The following MARCHF1 variants were observed in gnomAD, a reference collection of about 807,000 sequenced individuals.
The protein encoded by MARCHF1 is membrane associated ring-CH-type finger 1, also known as E3 ubiquitin-protein ligase MARCHF1.
Under a neutral mutation model 54.2 loss-of-function variants are expected in MARCHF1, and 40 were observed. That is an observed-to-expected ratio of 0.74 (90% CI 0.57 to 0.96). The LOEUF (loss-of-function observed/expected upper bound fraction) is 0.96. Among genes scored for constraint, MARCHF1 ranks in the 40% least tolerant of loss-of-function variants. The pLI is 0.00. For missense variants in MARCHF1, 586 were observed against 656.5 expected (o/e 0.89, Z 1.17); for synonymous variants, 236 against 236.3 (o/e 1.00, Z 0.01).
At chr4:163,731,195 A>G (rs1396140607) in intron 4 of MARCHF1, among the ~76,000 whole-genome samples, 1 of 152,226 alleles carries the variant, frequency 6.6e-6, no homozygotes, top group African/African-American at 2.4e-5. Context: ...AGTAGCTGGA[A>G]TCATTTTTAA....
At chr4:163,593,526 T>C (rs1740659938) in intron 7 of MARCHF1, among the ~76,000 whole-genome samples, 1 of 152,220 alleles carries the variant, frequency 6.6e-6, no homozygotes, top group Admixed American at 6.5e-5. Context: ...GCCTTTTTCA[T>C]TTCTGCATGT....
At chr4:164,252,442 GC>G (rs1263960336) in intron 1 of MARCHF1, among the ~76,000 whole-genome samples, 1 of 152,122 alleles carries the variant, frequency 6.6e-6, no homozygotes, top group African/African-American at 2.4e-5. Context: ...AAGGCAGGAA[GC>G]CCTGGAAGCT....
At chr4:164,307,747 TGTTACA>T (rs757860465) in intron 1 of MARCHF1, among the ~76,000 whole-genome samples, 15 of 152,212 alleles carry the variant, frequency 9.9e-5, no homozygotes, top group Non-Finnish European at 1.9e-4. Flanking sequence ...CTTAAATTCG[TGTTACA>T]GTTAGTTAGG....
chr4:163,534,377 C>T (rs139627823), intron 9 of MARCHF1, among the ~76,000 whole-genome samples: 135 of 152,158 alleles, frequency 8.9e-4, no homozygotes, highest in African/African-American at 3.2e-3. Context: ...TTCCCTACAT[C>T]GTAGTCCAGG....
chr4:164,060,880 G>T (rs1754601990), intron 2 of MARCHF1, among the ~76,000 whole-genome samples: 1 of 152,092 alleles, frequency 6.6e-6, no homozygotes, highest in Non-Finnish European at 1.5e-5. Context: ...ATTAAGATTT[G>T]CTGAATGTGT....
intron 5 of MARCHF1, among the ~76,000 whole-genome samples, chr4:163,644,154 T>C (rs1742665469): frequency 6.6e-6 from 1 of 152,176 alleles, no homozygotes; most frequent in Non-Finnish European, 1.5e-5. Context: ...AGGTAAAATA[T>C]TGTTTTCTCA....
rs150132369 is a variant in MARCHF1, at chr4:164,004,844, A to C, written c.-247-16135T>G. On this transcript the variant is annotated intron_variant, in intron 2 of 9. Coordinates refer to ENST00000514618, the MANE Select transcript of MARCHF1 (RefSeq NM_001394959.1). Reference sequence around the variant, plus strand: ...AAAATTAGTGAGATGTACTTAAATAAGTGCTCCAGAAGAAATTATGGCTCT... The same window carrying C: ...AAAATTAGTGAGATGTACTTAAATACGTGCTCCAGAAGAAATTATGGCTCT... Among the ~76,000 whole-genome samples the C allele has an allele frequency of 5.5e-4, 83 of 152,216 alleles. No homozygotes were observed. The East Asian group carries it at 0.011, about 20-fold the overall frequency.
At chr4:164,351,799 G>T (rs527328672) in intron 1 of MARCHF1, among the ~76,000 whole-genome samples, 1 of 152,034 alleles carries the variant, frequency 6.6e-6, no homozygotes, top group East Asian at 1.9e-4. Flanking sequence ...GGCTTCAGAC[G>T]ATCAAATTAC....
At chr4:163,892,413 G>A (rs1182387585) in intron 3 of MARCHF1, among the ~76,000 whole-genome samples, 1 of 151,896 alleles carries the variant, frequency 6.6e-6, no homozygotes, top group Non-Finnish European at 1.5e-5. Context: ...CCCACTGAAT[G>A]GCCCACCCTG....
Position 163,871,245 on chromosome 4 carries a change from C to T in MARCHF1, c.-38-17076G>A, listed in dbSNP as rs533314810. On this transcript the variant is annotated intron_variant, in intron 3 of 9. Coordinates refer to ENST00000514618, the MANE Select transcript of MARCHF1 (RefSeq NM_001394959.1). ...AGACAGAGAAGGTATTTTTCTTTTG[C>T]GTTATGATGTGACACTCATTCACAA... 1.3e-4 allele frequency among the ~76,000 whole-genome samples: 20 copies of T among 152,174 alleles called. 1 individual carries two copies. In the South Asian group the frequency reaches 2.5e-3, roughly 19 times the overall value.
chr4:163,727,679 T>C (rs1346268774), intron 4 of MARCHF1, among the ~76,000 whole-genome samples: 8 of 151,974 alleles, frequency 5.3e-5, no homozygotes, highest in Non-Finnish European at 1.2e-4. Context: ...GTGTTTTCTT[T>C]TTTTTTTCTT....
intron 4 of MARCHF1, among the ~76,000 whole-genome samples, chr4:163,830,152 C>A (rs1456998541): frequency 6.6e-6 from 1 of 151,834 alleles, no homozygotes; most frequent in Non-Finnish European, 1.5e-5. Flanking sequence ...TCTGCTTTAG[C>A]GTTTGAAGAA....
intron 3 of MARCHF1, among the ~76,000 whole-genome samples, chr4:163,946,564 A>G (rs1752030667): frequency 1.3e-5 from 2 of 152,192 alleles, no homozygotes; most frequent in Admixed American, 1.3e-4. Context: ...AGTTATTTTC[A>G]TCTCCCAATT....
At chr4:163,990,643 T>C (rs926648452) in intron 2 of MARCHF1, among the ~76,000 whole-genome samples, 4 of 152,162 alleles carry the variant, frequency 2.6e-5, no homozygotes, top group African/African-American at 9.7e-5. Flanking sequence ...AATTCTTAAA[T>C]TTTCTGTAGC....
intron 1 of MARCHF1, among the ~76,000 whole-genome samples, chr4:164,160,062 TG>T (rs1346356106): frequency 3.3e-5 from 5 of 151,940 alleles, no homozygotes; most frequent in Admixed American, 3.3e-4. Context: ...TTTTTATTAT[TG>T]TTAGATGTTA....
chr4:164,179,225 C>T (rs903161420), intron 1 of MARCHF1, among the ~76,000 whole-genome samples: 1 of 152,120 alleles, frequency 6.6e-6, no homozygotes, highest in African/African-American at 2.4e-5. Flanking sequence ...TTTAATGGAA[C>T]TCTGTAAAGG....
intron 1 of MARCHF1, among the ~76,000 whole-genome samples, chr4:164,304,481 A>C (rs1177936171): frequency 6.6e-6 from 1 of 152,182 alleles, no homozygotes; most frequent in Admixed American, 6.5e-5. Flanking sequence ...TTAGAGTCAG[A>C]ATATAGCACT....
intron 3 of MARCHF1, among the ~76,000 whole-genome samples, chr4:163,910,621 A>T (rs994932198): frequency 6.6e-5 from 10 of 152,152 alleles, no homozygotes; most frequent in African/African-American, 2.4e-4. Context: ...CAGCCTCATG[A>T]GTAGCTGGGA....
intron 1 of MARCHF1, among the ~76,000 whole-genome samples, chr4:164,285,346 G>A (rs1349498696): frequency 6.6e-6 from 1 of 152,080 alleles, no homozygotes; most frequent in Non-Finnish European, 1.5e-5. Context: ...AGTGCATTAT[G>A]ATTCTGCCTG....
Sources: allele counts gnomAD v4.1 joint callset (sites outside exome capture counted in the v4.1 genomes callset), GRCh38; gene constraint gnomAD v4.1.1; transcripts MANE v1.5; gene names NCBI Gene and HGNC (gene_info 2026-07-23, HGNC 2026-07-21).